Variants in SP110 observed in about 807,000 individuals in gnomAD.
SP110 encodes SP110 nuclear body protein.
A neutral mutation model predicts 92.7 loss-of-function variants in SP110; 62 were observed. The ratio of observed to expected loss-of-function variants is 0.67; its 90% CI spans 0.55 to 0.83. The LOEUF is 0.83. Among genes scored for constraint, SP110 ranks in the 40% least tolerant of loss-of-function variants. SP110 has a pLI of 0.00. For synonymous variants in SP110, 273 were observed against 305.3 expected (o/e 0.89, Z 1.10); for missense variants, 793 against 863.9 (o/e 0.92, Z 1.03).
intron 2 of SP110, 117 bp from the exon 3 acceptor site, chr2:230,215,235 C>T: frequency 1.2e-6 from 1 of 825,334 alleles, no homozygotes; most frequent in Non-Finnish European, 2.0e-6. Flanking sequence ...AGAAATTCAA[C>T]ATAAAATATA....
In SP110 at chr2:230,172,857, C is replaced by T. The variant is rs757517084; in HGVS notation, c.1693G>A (p.Val565Met). Residue 565 changes from valine to methionine, a missense_variant, in exon 15 of 19, where the codon GTG becomes ATG. Coordinates refer to ENST00000258381, the MANE Select transcript of SP110 (RefSeq NM_080424.4). ...VFHEDCHIPP[V>M]EAKRMLWSCT... Reference sequence around the variant, plus strand: ...CATCCCACTCACCTCTTGGCTTCCACAGGGGGGATGTGACAGTCCTCATGG... The same window carrying T: ...CATCCCACTCACCTCTTGGCTTCCATAGGGGGGATGTGACAGTCCTCATGG... The T allele has an allele frequency of 6.2e-7, 1 of 1,613,098 alleles. No homozygotes were observed. Among genetic ancestry groups the T allele is most frequent in the Non-Finnish European group, 8.5e-7 (1 of 1,179,042 alleles).
chr2:230,203,431 G>T (rs1363940413), intron 8 of SP110: 2 of 153,152 alleles, frequency 1.3e-5, no homozygotes, highest in Non-Finnish European at 2.9e-5. Flanking sequence ...CTTCCCGCAC[G>T]CAAGTGCGGT....
upstream of SP110, chr2:230,221,842 G>A (rs2045846311): frequency 2.0e-6 from 2 of 1,000,564 alleles, no homozygotes; most frequent in African/African-American, 1.6e-5. Flanking sequence ...AAGCAGGAGT[G>A]GGAAAATAAA....
chr2:230,215,185 G>A (rs1270455413), intron 2 of SP110, 67 bp from the exon 3 acceptor site: 2 of 1,281,414 alleles, frequency 1.6e-6, no homozygotes, highest in Non-Finnish European at 2.2e-6. Flanking sequence ...TACATTTATG[G>A]TTTTCTAAGT....
At chr2:230,218,766 T>C (rs554456887) in intron 1 of SP110, among the ~76,000 whole-genome samples, 1 of 152,350 alleles carries the variant, frequency 6.6e-6, no homozygotes, top group African/African-American at 2.4e-5. Context: ...ATCTCATATA[T>C]GACTGTTCAG....
chr2:230,175,787 C>G (rs1419240911), intron 14 of SP110, among the ~76,000 whole-genome samples: 1 of 152,148 alleles, frequency 6.6e-6, no homozygotes, highest in Non-Finnish European at 1.5e-5. Flanking sequence ...AGAGACAAAG[C>G]TCAGTTCAAA....
Position 230,178,182 on chromosome 2 carries a change from A to C in SP110, c.1422T>G (p.Ile474Met). The C allele has an allele frequency of 6.2e-7, 1 of 1,611,826 alleles. No homozygotes were observed. Among genetic ancestry groups the C allele is most frequent in the Non-Finnish European group, 8.5e-7 (1 of 1,178,040 alleles). ...CGTGTTTCATTTTCTTCTTATATAA[A>C]ATCCCTTTCGCCTCACCACAGGTCA... ...LPVTCGEAKG[I>M]LYKKKMKHGS... The change falls in exon 13 of 19, where the codon ATT becomes ATG. Residue 474 changes from isoleucine (I) to methionine (M), a missense_variant. Physicochemically the swap from Ile to Met is conservative, Grantham distance 10 (BLOSUM62 1). Transcript: ENST00000258381.
chr2:230,176,762 G>A (rs2041881246), intron 14 of SP110: 1 of 1,612,454 alleles, frequency 6.2e-7, no homozygotes, highest in African/African-American at 1.3e-5. Flanking sequence ...AGGTTATTCT[G>A]GAGGTTTTTC....
Position 230,171,709 on chromosome 2 carries a change from C to A in SP110, c.1874G>T (p.Gly625Val). Reference protein sequence around the residue: ...YCHPQSSFFTGIPFNIRDYGE... With the variant: ...YCHPQSSFFTVIPFNIRDYGE... ...AATGTGACTTACATTAAATGGGATG[C>A]CCGTAAAAAAGGAGCTTTGTGGATG... The change falls in exon 17 of 19, where the codon GGC becomes GTC. Residue 625 changes from glycine (G) to valine (V), a missense_variant. Gly to Val is a moderately radical substitution (Grantham distance 109, BLOSUM62 -3). Transcript: ENST00000258381. The A allele has an allele frequency of 6.2e-7, 1 of 1,612,750 alleles. No homozygotes were observed.
chr2:230,185,850 T>A, intron 11 of SP110, 144 bp downstream of exon 11: 1 of 805,922 alleles, frequency 1.2e-6, no homozygotes, highest in Non-Finnish European at 2.2e-6. Context: ...CATCAACAGA[T>A]CCGTGCTCTG....
rs141956062 is a variant in SP110 at position 230,172,160 on chromosome 2, C to T, written c.1721G>A (p.Cys574Tyr). The change falls in exon 16 of 19, where the codon TGC becomes TAC. Residue 574 changes from cysteine (C) to tyrosine (Y), a missense_variant. Cys to Tyr is a radical substitution (Grantham distance 194). Transcript: ENST00000258381. The stretch of plus-strand genomic sequence containing the variant: ...AGACCTCTTCATCCTGCAGAAGGTG[C>T]AACTCCACAGCATCCTGAGAGGTTG... ...PVEAKRMLWSCTFCRMKRSSG... is the reference protein window; with the variant it reads ...PVEAKRMLWSYTFCRMKRSSG... The T allele has an allele frequency of 1.1e-5, 18 of 1,607,394 alleles. No individual in the cohort carries two copies. Among genetic ancestry groups the T allele is most frequent in the Non-Finnish European group, 1.5e-5 (18 of 1,173,862 alleles).
chr2:230,213,082 G>A, intron 3 of SP110, 55 bp from the exon 4 acceptor site: 1 of 1,581,434 alleles, frequency 6.3e-7, no homozygotes, highest in Non-Finnish European at 8.7e-7. Flanking sequence ...AATTACTTGG[G>A]GAAGGGGATT....
At chr2:230,181,421 A>C (rs762301405) in intron 12 of SP110, among the ~76,000 whole-genome samples, 2 of 152,222 alleles carry the variant, frequency 1.3e-5, no homozygotes, top group African/African-American at 2.4e-5. Context: ...TGCACAGATC[A>C]TTCATCACAG....
At chr2:230,173,319 C>A in intron 14 of SP110, 1 of 312,276 alleles carries the variant, frequency 3.2e-6, no homozygotes, top group South Asian at 2.8e-5. Flanking sequence ...ATCTGACTGA[C>A]CAAAGTAAGA....
intron 10 of SP110, among the ~76,000 whole-genome samples, chr2:230,193,081 T>G (rs1221957464): frequency 6.6e-6 from 1 of 152,228 alleles, no homozygotes; most frequent in Non-Finnish European, 1.5e-5. Context: ...TCCTGTTAGA[T>G]TGATCCTTTT....
intron 10 of SP110, among the ~76,000 whole-genome samples, chr2:230,199,128 C>T (rs1232599865): frequency 2.1e-5 from 3 of 140,288 alleles, no homozygotes; most frequent in South Asian, 2.2e-4. Context: ...GCTTTAGCTA[C>T]TATTATTATT....
chr2:230,208,830 C>T (rs989638918), intron 7 of SP110, among the ~76,000 whole-genome samples: 2 of 152,078 alleles, frequency 1.3e-5, no homozygotes, highest in African/African-American at 4.8e-5. Flanking sequence ...CAAGACTTGC[C>T]AGAGAGTTCT....
rs112307916 is a variant in SP110 at position 230,204,905 on chromosome 2, AG to A, written c.899-2178del. On this transcript the variant is annotated intron_variant, in intron 8 of 18. Coordinates refer to ENST00000258381, the MANE Select transcript of SP110 (RefSeq NM_080424.4). ...GAGAATAGCACATGCCAAGGATCAA[AG>A]GGGAGAGAAATGAAATGGGAAGAAA... Among the ~76,000 whole-genome samples, 78 of 152,332 alleles carry A rather than the reference AG, an allele frequency of 5.1e-4. 1 individual carries two copies. The highest frequency in any genetic ancestry group is 1.8e-3 in the African/African-American group (73 of 41,586).
At chr2:230,202,798 G>A (rs2043312456) in intron 8 of SP110, 70 bp from the exon 9 acceptor site, 4 of 1,467,218 alleles carry the variant, frequency 2.7e-6, no homozygotes, top group Middle Eastern at 1.7e-4. Context: ...GTCCCAATCA[G>A]TGACTTCCCT....
Sources: gnomAD v4.1 joint callset for allele counts (sites outside exome capture counted in the v4.1 genomes callset) on GRCh38, gnomAD v4.1.1 for gene constraint, MANE v1.5 for transcripts, NCBI Gene and HGNC (gene_info 2026-07-23, HGNC 2026-07-21) for gene names.